The following ATXN7 variants were observed in gnomAD, a reference collection of about 807,000 sequenced individuals.
ATXN7 encodes ataxin 7, also known as ataxin-7.
ATXN7 carries 12 observed loss-of-function variants against 70.5 expected under a neutral mutation model. That is an observed-to-expected ratio of 0.17 (90% CI 0.11 to 0.28). The LOEUF is 0.28. Ranked by LOEUF, ATXN7 falls within the 10% of genes least tolerant of loss-of-function variation. ATXN7 has a pLI of 1.00. For missense variants in ATXN7, 1,256 were observed against 1,131.7 expected (o/e 1.11, Z -1.58); for synonymous variants, 498 against 448.7 (o/e 1.11, Z -1.39).
At chr3:63,887,767 TG>T (rs1167329595) in intron 1 of ATXN7, among the ~76,000 whole-genome samples, 5 of 151,928 alleles carry the variant, frequency 3.3e-5, no homozygotes. Context: ...TGTATTTTTT[TG>T]TAGAGACAGA....
At chr3:63,930,298 A>G (rs1704897452) in intron 4 of ATXN7, among the ~76,000 whole-genome samples, 1 of 152,178 alleles carries the variant, frequency 6.6e-6, no homozygotes, top group Non-Finnish European at 1.5e-5. Context: ...AAAGGTAACT[A>G]GAGAGTGAGT....
chr3:63,926,624 C>T (rs1453288616), intron 4 of ATXN7, among the ~76,000 whole-genome samples: 1 of 152,130 alleles, frequency 6.6e-6, no homozygotes, highest in Non-Finnish European at 1.5e-5. Context: ...AATCCAAATC[C>T]TTTACTGTTG....
rs2075653900 is a variant in ATXN7 at position 63,990,555 on chromosome 3, T to G, written c.1560+181T>G. ...ACTCTGTACGGGGGACATCTCGTGC[T>G]TTTTTCCCTTTCTCTTCCATGACGC... On this transcript the variant is annotated intron_variant, in intron 10 of 12. Transcript: ENST00000674280. 2.5e-6 allele frequency: 3 copies of G among 1,201,744 alleles called. No homozygotes were observed. The South Asian group carries it at 4.3e-5, about 17-fold the overall frequency. 74.4% of individuals were successfully genotyped at this position (1,201,744 alleles called of 1,614,324 possible). A position where few individuals can be genotyped will look rare whatever the true frequency, so the allele number is the denominator to read the frequency against.
At chr3:63,949,767 G>A (rs1001827380) in intron 4 of ATXN7, among the ~76,000 whole-genome samples, 6 of 152,090 alleles carry the variant, frequency 3.9e-5, no homozygotes, top group South Asian at 2.1e-4. Flanking sequence ...CACAGAGGGG[G>A]TGTGTGTGTG....
At chr3:63,987,446 A>G (rs2075595966) in intron 8 of ATXN7, among the ~76,000 whole-genome samples, 1 of 152,140 alleles carries the variant, frequency 6.6e-6, no homozygotes. Context: ...TCCTGTTCAT[A>G]GCATTTCTTC....
At chr3:63,892,388 AC>A in intron 1 of ATXN7, among the ~76,000 whole-genome samples, 1 of 150,198 alleles carries the variant, frequency 6.7e-6, no homozygotes, top group Non-Finnish European at 1.5e-5. Flanking sequence ...ACACACACAC[AC>A]ACACACACAC....
chr3:63,865,900 A>G (rs1702407114), intron 1 of ATXN7, among the ~76,000 whole-genome samples: 1 of 137,570 alleles, frequency 7.3e-6, no homozygotes, highest in Non-Finnish European at 1.5e-5. Context: ...ATCTCAAAAA[A>G]AAAAAAAAAA....
At chr3:63,869,045 A>G (rs1275188959) in intron 1 of ATXN7, among the ~76,000 whole-genome samples, 3 of 152,256 alleles carry the variant, frequency 2.0e-5, no homozygotes, top group East Asian at 1.9e-4. Flanking sequence ...AGTGTGAGAT[A>G]CGTAAATAAA....
chr3:63,887,029 C>T lies in ATXN7; in HGVS notation c.-110-11370C>T, dbSNP rs575501254. Among the ~76,000 whole-genome samples the T allele has an allele frequency of 1.1e-4, 16 of 152,302 alleles. 1 individual carries two copies. The highest frequency in any genetic ancestry group is 3.6e-4 in the African/African-American group (15 of 41,568). The stretch of plus-strand genomic sequence containing the variant: ...TGAAAAACTCTCATCTTCCCACTCC[C>T]ATGAAGTTTCAATGGGCACTGGAAA... On this transcript the variant is annotated intron_variant, in intron 1 of 12. Coordinates refer to ENST00000674280, the MANE Select transcript of ATXN7 (RefSeq NM_001377405.1).
chr3:63,895,277 T>G (rs1170423011), intron 1 of ATXN7, among the ~76,000 whole-genome samples: 1 of 152,186 alleles, frequency 6.6e-6, no homozygotes, highest in Non-Finnish European at 1.5e-5. Context: ...AACAAAGTTC[T>G]GAATCTTAAC....
intron 5 of ATXN7, among the ~76,000 whole-genome samples, chr3:63,974,745 T>C (rs1052382079): frequency 1.3e-5 from 2 of 152,234 alleles, no homozygotes; most frequent in African/African-American, 4.8e-5. Context: ...GTTGTTGTTC[T>C]TGAAGGTGAG....
intron 12 of ATXN7, chr3:63,998,832 G>C (rs1212015744): frequency 2.6e-6 from 1 of 384,348 alleles, no homozygotes; most frequent in African/African-American, 2.2e-5. Context: ...GTTCCTTGTG[G>C]AGCTGCCATT....
At chr3:63,996,679 C>A in intron 12 of ATXN7, 196 bp downstream of exon 12, 1 of 654,384 alleles carries the variant, frequency 1.5e-6, no homozygotes, top group Non-Finnish European at 2.4e-6. Context: ...GGCTCTTCTG[C>A]CAGAATTTCT....
At chr3:63,978,256 C>T (rs1220365670) in intron 5 of ATXN7, among the ~76,000 whole-genome samples, 3 of 152,124 alleles carry the variant, frequency 2.0e-5, no homozygotes, top group Non-Finnish European at 4.4e-5. Context: ...AGTGGGTAGC[C>T]AAGGTTGACA....
intron 1 of ATXN7, among the ~76,000 whole-genome samples, chr3:63,881,777 T>C (rs704372): frequency 0.78 from 119,190 of 152,132 alleles, 47,213 homozygotes; most frequent in Admixed American, 0.87. Context: ...CGTGAGCCAC[T>C]GCACCCAGCC....
chr3:63,914,283 C>T (rs186689257), intron 4 of ATXN7, among the ~76,000 whole-genome samples: 1 of 152,318 alleles, frequency 6.6e-6, no homozygotes, highest in Admixed American at 6.5e-5. Flanking sequence ...GCTTTTTCTT[C>T]ACTTAACTCT....
At chr3:63,893,936 G>C (rs1312321877) in intron 1 of ATXN7, among the ~76,000 whole-genome samples, 1 of 152,200 alleles carries the variant, frequency 6.6e-6, no homozygotes, top group Non-Finnish European at 1.5e-5. Flanking sequence ...AAGAGAGGGA[G>C]TAAACTAGAT....
At chr3:63,937,364 A>G (rs944329902) in intron 4 of ATXN7, among the ~76,000 whole-genome samples, 8 of 152,168 alleles carry the variant, frequency 5.3e-5, no homozygotes, top group Admixed American at 4.6e-4. Flanking sequence ...GTGGATTGTC[A>G]CATTAGTTTT....
At chr3:63,866,494 G>T (rs769002313) in intron 1 of ATXN7, among the ~76,000 whole-genome samples, 1 of 152,108 alleles carries the variant, frequency 6.6e-6, no homozygotes, top group Non-Finnish European at 1.5e-5. Flanking sequence ...GGGCTCAAGC[G>T]ATCCTCCCGC....
Sources: allele counts gnomAD v4.1 joint callset (sites outside exome capture counted in the v4.1 genomes callset), GRCh38; gene constraint gnomAD v4.1.1; transcripts MANE v1.5; gene names NCBI Gene and HGNC (gene_info 2026-07-23, HGNC 2026-07-21).